The following NCOA3 variants were observed in gnomAD, a reference collection of about 807,000 sequenced individuals.
NCOA3 encodes nuclear receptor coactivator 3, also known as CBP-interacting protein.
Under a neutral mutation model 158.8 loss-of-function variants are expected in NCOA3, and 51 were observed. That is an observed-to-expected ratio of 0.32 (90% CI 0.26 to 0.41). The LOEUF (loss-of-function observed/expected upper bound fraction) is 0.41. Ranked by LOEUF, NCOA3 falls within the 10% of genes least tolerant of loss-of-function variation. The pLI is 1.00. For synonymous variants in NCOA3, 537 were observed against 592.4 expected, an observed-to-expected ratio of 0.91 and a Z score of 1.36; for missense variants, 1,510 against 1,746.6, an observed-to-expected ratio of 0.86 and a Z score of 2.41.
intron 1 of NCOA3, among the ~76,000 whole-genome samples, chr20:47,547,553 C>A (rs2084852611): frequency 6.6e-6 from 1 of 151,944 alleles, no homozygotes; most frequent in Admixed American, 6.6e-5. Context: ...GCTGGGACTA[C>A]AGGCGCCCAT....
rs1033775887 is a variant in NCOA3, at chr20:47,652,551, C to T, written c.4092C>T (p.Gly1364=). 1 of 1,610,266 alleles carries T rather than the reference C, an allele frequency of 6.2e-7. No individual in the cohort carries two copies. Among genetic ancestry groups the T allele is most frequent in the Non-Finnish European group, 8.5e-7 (1 of 1,176,746 alleles). The change falls in exon 21 of 23, where the codon GGC becomes GGT. Residue 1364 remains glycine (G), a synonymous_variant. Transcript: ENST00000371998. ...ASIYQSSEMK[G]WPSGNLARNS... Reference sequence around the variant, plus strand: ...TCTATCAGTCCTCAGAAATGAAGGGCTGGCCATCAGGAAATTTGGCCAGGA... The same window carrying T: ...TCTATCAGTCCTCAGAAATGAAGGGTTGGCCATCAGGAAATTTGGCCAGGA...
intron 2 of NCOA3, among the ~76,000 whole-genome samples, chr20:47,610,345 A>G (rs1367307522): frequency 6.6e-6 from 1 of 152,026 alleles, no homozygotes; most frequent in Non-Finnish European, 1.5e-5. Context: ...TGAGCTTCCT[A>G]AATAGCTGGG....
intron 1 of NCOA3, among the ~76,000 whole-genome samples, chr20:47,510,294 A>T (rs746731303): frequency 6.6e-6 from 1 of 151,812 alleles, no homozygotes; most frequent in Non-Finnish European, 1.5e-5. Flanking sequence ...TTAGCTGGGC[A>T]TGGTGGCGGG....
intron 1 of NCOA3, among the ~76,000 whole-genome samples, chr20:47,550,491 A>G (rs1293243508): frequency 6.6e-6 from 1 of 151,160 alleles, no homozygotes; most frequent in Non-Finnish European, 1.5e-5. Flanking sequence ...ACACATGGGC[A>G]ATTAGAAATA....
intron 1 of NCOA3, among the ~76,000 whole-genome samples, chr20:47,505,636 G>A (rs2146040035): frequency 6.6e-6 from 1 of 152,180 alleles, no homozygotes; most frequent in East Asian, 1.9e-4. Context: ...TTACTGAGCG[G>A]TTAAAGCTCT....
At chr20:47,536,171 C>A (rs1053022587) in intron 1 of NCOA3, among the ~76,000 whole-genome samples, 5 of 152,136 alleles carry the variant, frequency 3.3e-5, no homozygotes, top group Non-Finnish European at 5.9e-5. Flanking sequence ...TGAGCACAGG[C>A]CCGAGGGTGG....
chr20:47,649,621 T>A (rs1402792911), intron 19 of NCOA3, among the ~76,000 whole-genome samples: 2 of 152,138 alleles, frequency 1.3e-5, no homozygotes, highest in Non-Finnish European at 2.9e-5. Context: ...GGGGTTTTTT[T>A]AATGTGCATG....
intron 1 of NCOA3, among the ~76,000 whole-genome samples, chr20:47,546,133 C>G (rs2084823961): frequency 6.6e-6 from 1 of 152,174 alleles, no homozygotes; most frequent in Non-Finnish European, 1.5e-5. Context: ...ATGTCCCAAA[C>G]CAATCTCATC....
At position 47,652,953 on chromosome 20, in the gene NCOA3, G is replaced by A. The variant is rs1030324768; in HGVS notation, c.4144G>A (p.Ala1382Thr). ...CAGCTCCTTTTCCCAGCAGCAGTTT[G>A]CCCACCAGGGGAATCCTGCAGTGTA... ...RNSSFSQQQF[A>T]HQGNPAVYSM... The change falls in exon 22 of 23, where the codon GCC (alanine) becomes ACC (threonine). Residue 1382 changes from alanine (A) to threonine (T), a missense_variant. Coordinates refer to ENST00000371998, the MANE Select transcript of NCOA3 (RefSeq NM_181659.3). 3.1e-6 allele frequency: 5 copies of A among 1,614,122 alleles called. No individual in the cohort carries two copies. Among genetic ancestry groups the A allele is most frequent in the Non-Finnish European group, 4.2e-6 (5 of 1,179,998 alleles).
chr20:47,515,816 C>G (rs1203430796), intron 1 of NCOA3, among the ~76,000 whole-genome samples: 2 of 152,106 alleles, frequency 1.3e-5, no homozygotes, highest in African/African-American at 2.4e-5. Context: ...TAAGTGGTAG[C>G]TTTTCTGTGG....
At chr20:47,561,776 CTAGAGTTCA>C (rs1446300824) in intron 1 of NCOA3, among the ~76,000 whole-genome samples, 4 of 152,260 alleles carry the variant, frequency 2.6e-5, no homozygotes, top group Admixed American at 6.5e-5. Context: ...ACATCATCAC[CTAGAGTTCA>C]TAGCTTACAT....
At chr20:47,544,934 G>A (rs1417172601) in intron 1 of NCOA3, among the ~76,000 whole-genome samples, 1 of 152,088 alleles carries the variant, frequency 6.6e-6, no homozygotes, top group Admixed American at 6.6e-5. Flanking sequence ...AAATTCCTCA[G>A]GAAGAGCTTA....
rs2086561940 is a variant in NCOA3, at chr20:47,639,013, A to G, written c.2518A>G (p.Lys840Glu). 1.9e-6 allele frequency: 3 copies of G among 1,591,728 alleles called. No homozygotes were observed. The highest frequency in any genetic ancestry group is 2.6e-6 in the Non-Finnish European group (3 of 1,168,984). Residue 840 changes from lysine to glutamate, a missense_variant, in exon 14 of 23, where the codon AAA becomes GAA. By Grantham distance (56) the Lys-to-Glu change is moderately conservative. Transcript: ENST00000371998. ...VFQGTNSLGL[K>E]SSQSVQSIRP... is the part of the protein sequence containing the mutation. ...TTGTATTGTGTTTTCAACAGGTTTG[A>G]AAAGTTCACAGTCTGTGCAGTCTAT...
chr20:47,647,082 T>C lies in NCOA3; in HGVS notation c.3262T>C (p.Leu1088=), dbSNP rs764759601. Residue 1088 remains leucine, a synonymous_variant, in exon 18 of 23, where the codon TTA becomes CTA. Transcript: ENST00000371998. ...ATGTGTTGTGTTTAAGGGACAGGCA[T>C]TAGAGCCCAAACAGGATGCTTTCCA... ...IPELVNQGQA[L]EPKQDAFQGQ... 4 of 1,613,534 alleles carry C rather than the reference T, an allele frequency of 2.5e-6. No individual in the cohort carries two copies. The South Asian group carries it at 4.4e-5, about 18-fold the overall frequency.
intron 1 of NCOA3, among the ~76,000 whole-genome samples, chr20:47,561,098 T>C (rs2085097188): frequency 6.6e-6 from 1 of 150,552 alleles, no homozygotes; most frequent in African/African-American, 2.4e-5. Flanking sequence ...TCCAGCCTCC[T>C]GAGTAGCTGA....
At chr20:47,544,316 C>CTTTTTT (rs397866275) in intron 1 of NCOA3, among the ~76,000 whole-genome samples, 1 of 99,702 alleles carries the variant, frequency 1.0e-5, no homozygotes, top group Non-Finnish European at 2.0e-5. Context: ...TTTAATACTA[C>CTTTTTT]TTTTTTTTTT....
At chr20:47,602,660 T>C (rs1468308660) in intron 2 of NCOA3, among the ~76,000 whole-genome samples, 1 of 152,212 alleles carries the variant, frequency 6.6e-6, no homozygotes, top group African/African-American at 2.4e-5. Context: ...TTTCCAGACA[T>C]GATTCAGTAG....
chr20:47,565,182 C>T (rs1403689127), intron 1 of NCOA3, among the ~76,000 whole-genome samples: 3 of 152,134 alleles, frequency 2.0e-5, no homozygotes, highest in South Asian at 2.1e-4. Context: ...GGTTTCTCCA[C>T]GTTGGCCAGG....
At chr20:47,647,958 A>G (rs2086719164) in intron 18 of NCOA3, among the ~76,000 whole-genome samples, 1 of 137,174 alleles carries the variant, frequency 7.3e-6, no homozygotes, top group African/African-American at 2.8e-5. Flanking sequence ...TCTGTCGCCC[A>G]GGCTGGAGTG....
Sources: gnomAD v4.1 joint callset for allele counts (sites outside exome capture counted in the v4.1 genomes callset) on GRCh38, gnomAD v4.1.1 for gene constraint, MANE v1.5 for transcripts, NCBI Gene and HGNC (gene_info 2026-07-23, HGNC 2026-07-21) for gene names.